Variants in LRRTM4 observed in about 807,000 individuals in gnomAD.
LRRTM4 encodes leucine rich repeat transmembrane neuronal 4.
In LRRTM4, 25 loss-of-function variants were observed where a neutral mutation model predicts 47.6. The observed-to-expected ratio is 0.53, with a 90% CI of 0.38 to 0.73. The LOEUF is 0.73. LRRTM4 is among the 30% of genes least tolerant of loss of function. LRRTM4 has a pLI of 0.00. For synonymous variants in LRRTM4, 311 were observed against 269.5 expected, an observed-to-expected ratio of 1.15 and a Z score of -1.51; for missense variants, 638 against 713.4, an observed-to-expected ratio of 0.89 and a Z score of 1.20.
In LRRTM4 at chr2:77,457,218, C is replaced by A. The variant is rs139198840; in HGVS notation, c.1551+61100G>T. Among the ~76,000 whole-genome samples, 622 of 151,520 alleles carry A rather than the reference C, an allele frequency of 4.1e-3. 10 individuals carry two copies. The highest frequency in any genetic ancestry group is 0.017 in the Middle Eastern group (5 of 288). On this transcript the variant is annotated intron_variant, in intron 3 of 3. Coordinates refer to ENST00000409884, the MANE Select transcript of LRRTM4 (RefSeq NM_001134745.3). ...AATGGCATCTTAAACTTAACAAAGC[C>A]ATGTCAGTACACTTTATTTCCCCCT... is the stretch of plus-strand genomic sequence containing the variant.
intron 3 of LRRTM4, among the ~76,000 whole-genome samples, chr2:77,435,535 C>G (rs1167168907): frequency 6.6e-6 from 1 of 151,820 alleles, no homozygotes; most frequent in Non-Finnish European, 1.5e-5. Flanking sequence ...AAAAATAAAC[C>G]CAACATTTGT....
chr2:77,459,333 G>T (rs1676686097), intron 3 of LRRTM4, among the ~76,000 whole-genome samples: 1 of 151,940 alleles, frequency 6.6e-6, no homozygotes, highest in Non-Finnish European at 1.5e-5. Context: ...GTCAAATAAG[G>T]TGATTATTTC....
At chr2:77,168,773 C>A (rs552391965) in intron 3 of LRRTM4, among the ~76,000 whole-genome samples, 1 of 152,094 alleles carries the variant, frequency 6.6e-6, no homozygotes, top group Non-Finnish European at 1.5e-5. Flanking sequence ...TCAGTCCCCA[C>A]GTATGAATGA....
chr2:77,158,016 A>T (rs1317113097), intron 3 of LRRTM4, among the ~76,000 whole-genome samples: 1 of 152,200 alleles, frequency 6.6e-6, no homozygotes, highest in Admixed American at 6.6e-5. Context: ...AATGGGTCTG[A>T]CTAAATGATT....
chr2:77,266,744 A>G (rs1393687167), intron 3 of LRRTM4, among the ~76,000 whole-genome samples: 2 of 152,104 alleles, frequency 1.3e-5, no homozygotes, highest in African/African-American at 4.8e-5. Context: ...TCTGCAAATC[A>G]ACAGAACTGT....
At chr2:77,246,790 G>A (rs1200564300) in intron 3 of LRRTM4, among the ~76,000 whole-genome samples, 2 of 151,792 alleles carry the variant, frequency 1.3e-5, no homozygotes, top group Non-Finnish European at 1.5e-5. Flanking sequence ...GCCTATATAT[G>A]CATATATGCC....
intron 3 of LRRTM4, among the ~76,000 whole-genome samples, chr2:77,008,324 ATTGTAAT>A (rs1248462735): frequency 6.6e-6 from 1 of 152,162 alleles, no homozygotes; most frequent in Non-Finnish European, 1.5e-5. Flanking sequence ...TTCTCTGATA[ATTGTAAT>A]ATGTATTTTT....
chr2:76,856,915 T>C (rs906281599), intron 3 of LRRTM4, among the ~76,000 whole-genome samples: 23 of 152,262 alleles, frequency 1.5e-4, no homozygotes, highest in African/African-American at 5.1e-4. Flanking sequence ...AAAACAAACA[T>C]GTATTTCTTC....
chr2:77,315,262 T>G (rs944635932), intron 3 of LRRTM4, among the ~76,000 whole-genome samples: 11 of 152,200 alleles, frequency 7.2e-5, no homozygotes, highest in African/African-American at 2.7e-4. Context: ...AAAGCTTGCT[T>G]AAAAATCATA....
chr2:77,309,673 T>A (rs1226129795), intron 3 of LRRTM4, among the ~76,000 whole-genome samples: 1 of 140,640 alleles, frequency 7.1e-6, no homozygotes, highest in African/African-American at 2.7e-5. Flanking sequence ...TTTAGATAGA[T>A]AGACAGATGA....
At chr2:77,488,066 C>T (rs930952825) in intron 3 of LRRTM4, among the ~76,000 whole-genome samples, 18 of 152,164 alleles carry the variant, frequency 1.2e-4, no homozygotes, top group Non-Finnish European at 2.4e-4. Context: ...CCCTAGCTTG[C>T]CATGTTGCAG....
intron 3 of LRRTM4, among the ~76,000 whole-genome samples, chr2:76,942,633 T>C (rs1160859247): frequency 6.6e-6 from 1 of 151,392 alleles, no homozygotes; most frequent in Non-Finnish European, 1.5e-5. Flanking sequence ...TGTTTTACTA[T>C]ATTTACAATG....
At chr2:76,877,758 G>T (rs1245784194) in intron 3 of LRRTM4, among the ~76,000 whole-genome samples, 1 of 152,090 alleles carries the variant, frequency 6.6e-6, no homozygotes, top group Non-Finnish European at 1.5e-5. Context: ...ATCGAGCATT[G>T]AAGTAGCTTA....
At chr2:76,966,069 G>T (rs930399227) in intron 3 of LRRTM4, among the ~76,000 whole-genome samples, 2 of 151,486 alleles carry the variant, frequency 1.3e-5, no homozygotes, top group African/African-American at 4.8e-5. Flanking sequence ...TAGGAAAGAT[G>T]AAATCTATAC....
intron 3 of LRRTM4, among the ~76,000 whole-genome samples, chr2:76,920,696 A>G (rs1674402388): frequency 6.6e-6 from 1 of 152,150 alleles, no homozygotes; most frequent in South Asian, 2.1e-4. Flanking sequence ...CTACAGCAGT[A>G]AGTAAAATGT....
At chr2:77,425,029 T>A (rs1168091884) in intron 3 of LRRTM4, among the ~76,000 whole-genome samples, 1 of 152,166 alleles carries the variant, frequency 6.6e-6, no homozygotes, top group African/African-American at 2.4e-5. Flanking sequence ...AAGCATGGTG[T>A]CTATTAAAAA....
At chr2:77,495,006 C>T (rs1237095460) in intron 3 of LRRTM4, among the ~76,000 whole-genome samples, 1 of 152,030 alleles carries the variant, frequency 6.6e-6, no homozygotes, top group Admixed American at 6.6e-5. Context: ...TGAATAGTAT[C>T]CCATTATATG....
At chr2:77,148,033 C>T (rs1360935552) in intron 3 of LRRTM4, among the ~76,000 whole-genome samples, 3 of 152,000 alleles carry the variant, frequency 2.0e-5, no homozygotes, top group Non-Finnish European at 4.4e-5. Context: ...GAATATTTCC[C>T]CTAATTTATA....
Position 77,077,111 on chromosome 2 carries a change from T to A in LRRTM4, c.1552-328195A>T, listed in dbSNP as rs557050259. Among the ~76,000 whole-genome samples the A allele has an allele frequency of 3.3e-5, 5 of 152,274 alleles. No homozygotes were observed. In the East Asian group the frequency reaches 9.6e-4, roughly 29 times the overall value. ...ATTTTCCTGTGTATTAGAATGTACATAGAGTATCACACCATATGCAAAATT... is the reference window on the plus strand; with the variant it reads ...ATTTTCCTGTGTATTAGAATGTACAAAGAGTATCACACCATATGCAAAATT... On this transcript the variant is annotated intron_variant, in intron 3 of 3. Transcript: ENST00000409884.
Sources: allele counts gnomAD v4.1 joint callset (sites outside exome capture counted in the v4.1 genomes callset), GRCh38; gene constraint gnomAD v4.1.1; transcripts MANE v1.5; gene names NCBI Gene and HGNC (gene_info 2026-07-23, HGNC 2026-07-21).